The following ADAMTS2 variants were observed in gnomAD, a reference collection of about 807,000 sequenced individuals.
ADAMTS2 encodes A disintegrin and metalloproteinase with thrombospondin motifs 2.
A neutral mutation model predicts 123.0 loss-of-function variants in ADAMTS2; 50 were observed. The ratio of observed to expected loss-of-function variants is 0.41; its 90% CI spans 0.32 to 0.51. The LOEUF is 0.51. Among genes scored for constraint, ADAMTS2 ranks in the 20% least tolerant of loss-of-function variants. The probability of loss-of-function intolerance (pLI) is 0.35; values close to 1 mark genes in which losing one functional copy is unlikely to be tolerated. For missense variants in ADAMTS2, 1,494 were observed against 1,705.2 expected, an observed-to-expected ratio of 0.88 and a Z score of 2.18; for synonymous variants, 678 against 695.4, an observed-to-expected ratio of 0.98 and a Z score of 0.39.
chr5:179,309,719 T>C (rs1420766732), intron 2 of ADAMTS2, among the ~76,000 whole-genome samples: 1 of 136,450 alleles, frequency 7.3e-6, no homozygotes, highest in Non-Finnish European at 1.5e-5. Context: ...ATCATGCCAT[T>C]GTACTCCAGC....
rs1030248671 is a variant in ADAMTS2 at position 179,317,216 on chromosome 5, C to T, written c.534+26551G>A. Among the ~76,000 whole-genome samples the T allele has an allele frequency of 1.3e-5, 2 of 152,180 alleles. No homozygotes were observed. The highest frequency in any genetic ancestry group is 2.4e-5 in the African/African-American group (1 of 41,454). On this transcript the variant is annotated intron_variant, in intron 2 of 21. Coordinates refer to ENST00000251582, the MANE Select transcript of ADAMTS2 (RefSeq NM_014244.5). The surrounding 1 kb of genome is among the most constrained non-coding windows in gnomAD (Gnocchi z 4.9). ...AGCATCCTTTTCCTCAGCACTTTGG[C>T]GTCTTTCCTCCCAGTGGTTTCTTGG...
chr5:179,192,768 A>C (rs1032478343), intron 4 of ADAMTS2, among the ~76,000 whole-genome samples: 1 of 152,174 alleles, frequency 6.6e-6, no homozygotes, highest in Non-Finnish European at 1.5e-5. Context: ...GGGGCACCCT[A>C]TGCTGCCTCG....
At chr5:179,290,192 A>G (rs1581249594) in intron 2 of ADAMTS2, among the ~76,000 whole-genome samples, 1 of 152,154 alleles carries the variant, frequency 6.6e-6, no homozygotes, top group South Asian at 2.1e-4. Context: ...GTGGCTTGAT[A>G]CTGTTCTCAA....
At chr5:179,300,806 A>C (rs1561709662) in intron 2 of ADAMTS2, among the ~76,000 whole-genome samples, 1 of 152,246 alleles carries the variant, frequency 6.6e-6, no homozygotes, top group Non-Finnish European at 1.5e-5. Flanking sequence ...GTCTTCATAC[A>C]TACAACTTAA....
intron 3 of ADAMTS2, among the ~76,000 whole-genome samples, chr5:179,238,243 C>A (rs1765576469): frequency 6.6e-6 from 1 of 152,230 alleles, no homozygotes; most frequent in South Asian, 2.1e-4. Flanking sequence ...GCAGACGTCT[C>A]TCCAGGGAGC....
rs1482113513 is a variant in ADAMTS2 at position 179,129,428 on chromosome 5, T to C, written c.2457+504A>G. ...ATCCCTATGCAGTTAAATTACATTTTAAAAAGTGATCTGACCTCCTCAAAA... is the reference window on the plus strand; with the variant it reads ...ATCCCTATGCAGTTAAATTACATTTCAAAAAGTGATCTGACCTCCTCAAAA... On this transcript the variant is annotated intron_variant, in intron 16 of 21. Coordinates refer to ENST00000251582, the MANE Select transcript of ADAMTS2 (RefSeq NM_014244.5). The surrounding 1 kb of genome is among the most constrained non-coding windows in gnomAD (Gnocchi z 4.1). Among the ~76,000 whole-genome samples, 4 of 152,212 alleles carry C rather than the reference T, an allele frequency of 2.6e-5. No individual in the cohort carries two copies. Among genetic ancestry groups the C allele is most frequent in the African/African-American group, 9.7e-5 (4 of 41,444 alleles).
intron 2 of ADAMTS2, among the ~76,000 whole-genome samples, chr5:179,327,467 C>T (rs11956034): frequency 0.23 from 34,575 of 152,064 alleles, 4,407 homozygotes; most frequent in East Asian, 0.51. Context: ...TGTGCATGCC[C>T]GGTGCACTGC....
rs181941238 is a variant in ADAMTS2, at chr5:179,323,153, G to A, written c.534+20614C>T. 2.1e-3 allele frequency among the ~76,000 whole-genome samples: 323 copies of A among 152,348 alleles called. 1 individual carries two copies. The highest frequency in any genetic ancestry group is 7.3e-3 in the African/African-American group (303 of 41,578). ...CTGGTGCCCTCGAGAGGCAGGCACC[G>A]AGCCAGCCAGTGTCAGGGAGCAGGT... On this transcript the variant is annotated intron_variant, in intron 2 of 21. Transcript: ENST00000251582.
chr5:179,255,208 C>T (rs6877180), intron 3 of ADAMTS2, among the ~76,000 whole-genome samples: 29,126 of 151,926 alleles, frequency 0.19, 6,137 homozygotes, highest in African/African-American at 0.53. Context: ...AATGGATGGA[C>T]GGATGACAGA....
intron 10 of ADAMTS2, among the ~76,000 whole-genome samples, chr5:179,149,091 G>T (rs530110530): frequency 4.9e-4 from 74 of 152,324 alleles, no homozygotes; most frequent in African/African-American, 1.7e-3. Context: ...GGTTGCAGGC[G>T]AGGAGGGGCC....
chr5:179,341,258 A>T (rs1399691847), intron 2 of ADAMTS2: 1 of 289,182 alleles, frequency 3.5e-6, no homozygotes, highest in Non-Finnish European at 6.9e-6. Context: ...GCGGTGGCTG[A>T]GGCCTGTAAT....
At chr5:179,292,346 T>C (rs1190054079) in intron 2 of ADAMTS2, among the ~76,000 whole-genome samples, 1 of 148,730 alleles carries the variant, frequency 6.7e-6, no homozygotes, top group Non-Finnish European at 1.5e-5. Context: ...ACCCCCCAGC[T>C]GTGGGAGATA....
chr5:179,129,855 C>T lies in ADAMTS2; in HGVS notation c.2457+77G>A, dbSNP rs950162974. The T allele has an allele frequency of 6.3e-7, 1 of 1,586,960 alleles. No homozygotes were observed. Among genetic ancestry groups the T allele is most frequent in the Non-Finnish European group, 8.6e-7 (1 of 1,164,142 alleles). The stretch of plus-strand genomic sequence containing the variant: ...GTGTCACCTGAAGGGTCAGGAGGCT[C>T]AGCGTCCCAGGCACCCCCATCCCTC... On this transcript the variant is annotated intron_variant, in intron 16 of 21. Coordinates refer to ENST00000251582, the MANE Select transcript of ADAMTS2 (RefSeq NM_014244.5). This position sits in a 1 kb window ranked among gnomAD's most constrained non-coding sequence, Gnocchi z 4.1.
In ADAMTS2 at chr5:179,113,782, C is replaced by T. The variant is rs1018301489; in HGVS notation, c.*85G>A. On this transcript the variant is annotated 3_prime_UTR_variant, in exon 22 of 22. Coordinates refer to ENST00000251582, the MANE Select transcript of ADAMTS2 (RefSeq NM_014244.5). ...CTTTTGGAATCAGGAATTTTGACTTCATCTCCATGACACAGGATTTGCTAT... is the reference window on the plus strand; with the variant it reads ...CTTTTGGAATCAGGAATTTTGACTTTATCTCCATGACACAGGATTTGCTAT... 24 of 1,389,864 alleles carry T rather than the reference C, an allele frequency of 1.7e-5. No individual in the cohort carries two copies. In the African/African-American group the frequency reaches 3.3e-4, roughly 19 times the overall value. The allele number at this position is 1,389,864 out of a possible 1,614,324, so 86.1% of individuals were successfully genotyped here. A position where few individuals can be genotyped will look rare whatever the true frequency, so the allele number is the denominator to read the frequency against.
chr5:179,276,106 T>A (rs538833549), intron 2 of ADAMTS2, among the ~76,000 whole-genome samples: 15 of 152,212 alleles, frequency 9.9e-5, no homozygotes, highest in South Asian at 2.1e-4. Flanking sequence ...TCCCTGGGTC[T>A]CAGGGCTCAA....
rs1764033810 is a variant in ADAMTS2, at chr5:179,180,974, G to A, written c.975+98C>T. Reference sequence around the variant, plus strand: ...AGCCAGGGAGAGGCAGGGTGGTTCTGGCAAACGCACACACTCTCCAAGGAG... The same window carrying A: ...AGCCAGGGAGAGGCAGGGTGGTTCTAGCAAACGCACACACTCTCCAAGGAG... On this transcript the variant is annotated intron_variant, in intron 5 of 21. Coordinates refer to ENST00000251582, the MANE Select transcript of ADAMTS2 (RefSeq NM_014244.5). This position sits in a 1 kb window ranked among gnomAD's most constrained non-coding sequence, Gnocchi z 4.6. The A allele has an allele frequency of 1.1e-6, 1 of 935,742 alleles. No individual in the cohort carries two copies. Among genetic ancestry groups the A allele is most frequent in the Admixed American group, 1.8e-5 (1 of 54,596 alleles). 58.0% of individuals were successfully genotyped at this position (935,742 alleles called of 1,614,324 possible). A position where few individuals can be genotyped will look rare whatever the true frequency, so the allele number is the denominator to read the frequency against.
chr5:179,143,514 C>T (rs906641173), intron 10 of ADAMTS2, among the ~76,000 whole-genome samples: 2 of 151,876 alleles, frequency 1.3e-5, no homozygotes, highest in African/African-American at 4.8e-5. Context: ...AATTAGCTGG[C>T]TCAGTGGTAG....
At chr5:179,227,843 C>T (rs1765322422) in intron 3 of ADAMTS2, among the ~76,000 whole-genome samples, 1 of 151,944 alleles carries the variant, frequency 6.6e-6, no homozygotes, top group Non-Finnish European at 1.5e-5. Context: ...CTAGAGGGGG[C>T]AGGGCAGCCC....
At chr5:179,273,737 G>A (rs1440260615) in intron 2 of ADAMTS2, among the ~76,000 whole-genome samples, 1 of 151,980 alleles carries the variant, frequency 6.6e-6, no homozygotes, top group Non-Finnish European at 1.5e-5. Flanking sequence ...TCAGCCACCA[G>A]CCCAGACTCT....
Sources: gnomAD v4.1 joint callset for allele counts (sites outside exome capture counted in the v4.1 genomes callset) on GRCh38, gnomAD v4.1.1 for gene constraint, Gnocchi (gnomAD v3.1) non-coding constraint, MANE v1.5 for transcripts, NCBI Gene and HGNC (gene_info 2026-07-23, HGNC 2026-07-21) for gene names.